The following CCL4 variants were observed in gnomAD, a reference collection of about 807,000 sequenced individuals.
CCL4 encodes the protein C-C motif chemokine ligand 4, also known as C-C motif chemokine 4.
A neutral mutation model predicts 10.3 loss-of-function variants in CCL4; 8 were observed. The ratio of observed to expected loss-of-function variants is 0.77; its 90% confidence interval spans 0.45 to 1.39. The LOEUF is 1.39. CCL4 is among the 40% of genes most tolerant of loss of function. The pLI is 0.00. For missense variants in CCL4, 106 were observed against 111.2 expected (o/e 0.95, Z 0.21); for synonymous variants, 35 against 44.3 (o/e 0.79, Z 0.83).
intron 2 of CCL4, 97 bp downstream of exon 2, chr17:36,104,739 A>T: frequency 6.8e-7 from 1 of 1,476,996 alleles, no homozygotes; most frequent in Non-Finnish European, 9.4e-7. Context: ...AGCATTGGGG[A>T]GGCAGCTCCC....
Position 36,103,863 on chromosome 17 carries a change from T to C in CCL4, c.-43T>C. On this transcript the variant is annotated 5_prime_UTR_variant, in exon 1 of 3. Transcript: ENST00000615863. ...CAGCTGGGTTCTGAAGCTTCTGAGTTCTGCAGCCTCACCTCTGAGAAAACC... is the reference window on the plus strand; with the variant it reads ...CAGCTGGGTTCTGAAGCTTCTGAGTCCTGCAGCCTCACCTCTGAGAAAACC... 3 of 1,611,118 alleles carry C rather than the reference T, an allele frequency of 1.9e-6. No individual in the cohort carries two copies. Among genetic ancestry groups the C allele is most frequent in the Non-Finnish European group, 2.5e-6 (3 of 1,177,258 alleles).
intron 2 of CCL4, 67 bp downstream of exon 2, chr17:36,104,709 T>C: frequency 6.3e-7 from 1 of 1,599,856 alleles, no homozygotes; most frequent in Non-Finnish European, 8.6e-7. Context: ...AGAGGGCCTG[T>C]TTTGGGGAGG....
Position 36,105,424 on chromosome 17 carries a change from CTTAAT to C in CCL4, c.*118_*122del, listed in dbSNP as rs2067154449. 2 of 1,064,040 alleles carry C rather than the reference CTTAAT, an allele frequency of 1.9e-6. No individual in the cohort carries two copies. Among genetic ancestry groups the C allele is most frequent in the South Asian group, 1.3e-5 (1 of 77,464 alleles). The allele number at this position is 1,064,040 out of a possible 1,614,324, so 65.9% of individuals were successfully genotyped here. A position where few individuals can be genotyped will look rare whatever the true frequency, so the allele number is the denominator to read the frequency against. On this transcript the variant is annotated 3_prime_UTR_variant, in exon 3 of 3. Transcript: ENST00000615863. ...CCTCTCCGCAGTTCCTGTCCCTTCT[CTTAAT>C]TTAATCTTTTTTATGTGCCGTGTTA...
chr17:36,103,985 A>G lies in CCL4; in HGVS notation c.76+4A>G. 6.2e-7 allele frequency: 1 copy of G among 1,613,834 alleles called. No individual in the cohort carries two copies. The highest frequency in any genetic ancestry group is 8.5e-7 in the Non-Finnish European group (1 of 1,179,792). ...TCTCCAGCGCTCTCAGCACCAAGTA[A>G]GTCTACTTTTGCAGCTGCTATTTCG... On this transcript the variant is annotated splice_donor_region_variant and intron_variant, in intron 1 of 2. Coordinates refer to ENST00000615863, the MANE Select transcript of CCL4 (RefSeq NM_002984.4).
At chr17:36,104,179 C>G in intron 1 of CCL4, 198 bp downstream of exon 1, 1 of 776,522 alleles carries the variant, frequency 1.3e-6, no homozygotes, top group Non-Finnish European at 2.3e-6. Context: ...GAATTAGCAA[C>G]CAGCAGAGGA....
chr17:36,105,513 T>C lies in CCL4; in HGVS notation c.*201T>C, dbSNP rs899939489. Reference sequence around the variant, plus strand: ...GTTTAGCCAAAGGATAAGTGTCCCCTATGGGGATGGTCCACTGTCACTGTT... The same window carrying C: ...GTTTAGCCAAAGGATAAGTGTCCCCCATGGGGATGGTCCACTGTCACTGTT... On this transcript the variant is annotated 3_prime_UTR_variant, in exon 3 of 3. Transcript: ENST00000615863. 1.1e-5 allele frequency: 7 copies of C among 639,314 alleles called. No homozygotes were observed. The African/African-American group carries it at 1.1e-4, about 10-fold the overall frequency. 39.6% of individuals were successfully genotyped at this position (639,314 alleles called of 1,614,324 possible).
At position 36,105,462 on chromosome 17, in the gene CCL4, A is replaced by C; in HGVS notation, c.*150A>C. On this transcript the variant is annotated 3_prime_UTR_variant, in exon 3 of 3. Coordinates refer to ENST00000615863, the MANE Select transcript of CCL4 (RefSeq NM_002984.4). ...TTTTTATGTGCCGTGTTATTGTATT[A>C]GGTGTCATTTCCATTATTTATATTA... is the stretch of plus-strand genomic sequence containing the variant. 1 of 805,384 alleles carries C rather than the reference A, an allele frequency of 1.2e-6. No homozygotes were observed. The highest frequency in any genetic ancestry group is 1.6e-5 in the South Asian group (1 of 63,348). The allele number at this position is 805,384 out of a possible 1,614,324, so 49.9% of individuals were successfully genotyped here.
intron 2 of CCL4, chr17:36,105,011 T>C (rs924391326): frequency 1.7e-5 from 12 of 724,926 alleles, no homozygotes; most frequent in South Asian, 4.4e-5. Flanking sequence ...GCAATGCCCC[T>C]TGGTTCCTAA....
rs149276903 is a variant in CCL4, at chr17:36,104,578, C to T, written c.127C>T (p.Leu43Phe). ...CTGCTTTTCTTACACCGCGAGGAAG[C>T]TTCCTCGCAACTTTGTGGTAGATTA... ...ACCFSYTARK[L>F]PRNFVVDYYE... Residue 43 changes from leucine to phenylalanine, a missense_variant, in exon 2 of 3, where the codon CTT becomes TTT. Transcript: ENST00000615863. 6.2e-7 allele frequency: 1 copy of T among 1,613,160 alleles called. No homozygotes were observed. The highest frequency in any genetic ancestry group is 2.2e-5 in the East Asian group (1 of 44,856).
chr17:36,104,721 G>A (rs2067146241), intron 2 of CCL4, 79 bp downstream of exon 2: 3 of 1,579,608 alleles, frequency 1.9e-6, no homozygotes, highest in Admixed American at 1.7e-5. Flanking sequence ...TTGGGGAGGG[G>A]GTGATTGAGC....
chr17:36,105,436 T>C lies in CCL4; in HGVS notation c.*124T>C. ...TCCTGTCCCTTCTCTTAATTTAATC[T>C]TTTTTATGTGCCGTGTTATTGTATT... On this transcript the variant is annotated 3_prime_UTR_variant, in exon 3 of 3. Transcript: ENST00000615863. The C allele has an allele frequency of 1.0e-6, 1 of 960,462 alleles. No homozygotes were observed. Among genetic ancestry groups the C allele is most frequent in the Non-Finnish European group, 1.7e-6 (1 of 603,852 alleles). 59.5% of individuals were successfully genotyped at this position (960,462 alleles called of 1,614,324 possible).
Position 36,103,933 on chromosome 17 carries a change from C to T in CCL4, c.28C>T (p.Leu10Phe). Residue 10 changes from leucine (L) to phenylalanine (F), a missense_variant, in exon 1 of 3, where the codon CTC (leucine) becomes TTC (phenylalanine). By Grantham distance (22) the Leu-to-Phe change is conservative. Transcript: ENST00000615863. The part of the protein sequence containing the change: MKLCVTVLS[L>F]LMLVAAFCSP... ...GAAGCTCTGCGTGACTGTCCTGTCT[C>T]TCCTCATGCTAGTAGCTGCCTTCTG... 1 of 1,614,008 alleles carries T rather than the reference C, an allele frequency of 6.2e-7. No homozygotes were observed. Among genetic ancestry groups the T allele is most frequent in the Non-Finnish European group, 8.5e-7 (1 of 1,179,870 alleles).
At chr17:36,104,716 G>C in intron 2 of CCL4, 74 bp downstream of exon 2, 1 of 1,592,892 alleles carries the variant, frequency 6.3e-7, no homozygotes, top group Non-Finnish European at 8.6e-7. Flanking sequence ...CTGTTTTGGG[G>C]AGGGGGTGAT....
intron 2 of CCL4, 66 bp from the exon 3 acceptor site, chr17:36,105,157 CAA>C: frequency 6.7e-7 from 1 of 1,503,710 alleles, no homozygotes; most frequent in South Asian, 1.1e-5. Flanking sequence ...GAGGAAGATG[CAA>C]AGGATAAAGC....
At chr17:36,104,244 T>C in intron 1 of CCL4, 1 of 705,188 alleles carries the variant, frequency 1.4e-6, no homozygotes, top group Non-Finnish European at 2.6e-6. Context: ...AATTATTTGT[T>C]CAAGCAAGCC....
At chr17:36,104,189 A>T in intron 1 of CCL4, 2 of 748,248 alleles carry the variant, frequency 2.7e-6, no homozygotes, top group South Asian at 2.9e-5. Flanking sequence ...CCAGCAGAGG[A>T]AAACGATGGG....
At chr17:36,105,097 A>G (rs558322380) in intron 2 of CCL4, 128 bp from the exon 3 acceptor site, 49 of 1,015,160 alleles carry the variant, frequency 4.8e-5, no homozygotes, top group Admixed American at 3.3e-4. Flanking sequence ...GTGCTGCTCC[A>G]GGAAGGATCC....
Position 36,104,884 on chromosome 17 carries a change from G to C in CCL4, c.191+242G>C. 5.8e-6 allele frequency: 4 copies of C among 688,066 alleles called. No individual in the cohort carries two copies. In the South Asian group the frequency reaches 6.4e-5, roughly 11 times the overall value. The allele number at this position is 688,066 out of a possible 1,614,324, so 42.6% of individuals were successfully genotyped here. A position where few individuals can be genotyped will look rare whatever the true frequency, so the allele number is the denominator to read the frequency against. On this transcript the variant is annotated intron_variant, in intron 2 of 2. Transcript: ENST00000615863. ...AAGTTATTCAGAGGACAGGGAAGCAGGGGAAGGCAGACAGGTCCCATGAGA... is the reference window on the plus strand; with the variant it reads ...AAGTTATTCAGAGGACAGGGAAGCACGGGAAGGCAGACAGGTCCCATGAGA...
chr17:36,104,653 A>AC lies in CCL4; in HGVS notation c.191+15dup, dbSNP rs780116993. On this transcript the variant is annotated intron_variant, in intron 2 of 2. Transcript: ENST00000615863. The stretch of plus-strand genomic sequence containing the variant: ...CCAGCCAGCTGTGGTGTGAGTATCA[A>AC]CCCCTGGGCTGCCCTGGGAGGCAAG... 1 of 1,613,440 alleles carries AC rather than the reference A, an allele frequency of 6.2e-7. No homozygotes were observed. The highest frequency in any genetic ancestry group is 1.3e-5 in the African/African-American group (1 of 74,706).
Sources: gnomAD v4.1 joint callset for allele counts on GRCh38, gnomAD v4.1.1 for gene constraint, MANE v1.5 for transcripts, NCBI Gene and HGNC (gene_info 2026-07-23, HGNC 2026-07-21) for gene names.